MYOM2: variants seen among roughly 807,000 people sequenced by gnomAD.
MYOM2 encodes myomesin-2.
A neutral mutation model predicts 187.6 loss-of-function variants in MYOM2; 254 were observed. The ratio of observed to expected loss-of-function variants is 1.35; its 90% confidence interval spans 1.22 to 1.50. MYOM2 has a LOEUF of 1.50. Ranked by LOEUF, MYOM2 falls within the 40% of genes most tolerant of loss-of-function variation. MYOM2 has a pLI of 0.00. For missense variants in MYOM2, 2,796 were observed against 1,924.0 expected (o/e 1.45, Z -8.48); for synonymous variants, 981 against 753.8 (o/e 1.30, Z -4.94).
rs142058998 is a variant in MYOM2 at position 2,119,915 on chromosome 8, C to T, written c.3453+1963C>T. ...ATGCCAAAAACCAGGGCAGAGCAAGCGGCAGATCCATCAGTGCAGCCCGTT... is the reference window on the plus strand; with the variant it reads ...ATGCCAAAAACCAGGGCAGAGCAAGTGGCAGATCCATCAGTGCAGCCCGTT... On this transcript the variant is annotated intron_variant, in intron 28 of 36. Coordinates refer to ENST00000262113, the MANE Select transcript of MYOM2 (RefSeq NM_003970.4). Among the ~76,000 whole-genome samples the T allele has an allele frequency of 3.5e-3, 528 of 152,022 alleles. 1 individual carries two copies. Among genetic ancestry groups the T allele is most frequent in the Middle Eastern group, 6.8e-3 (2 of 294 alleles).
intron 32 of MYOM2, among the ~76,000 whole-genome samples, chr8:2,132,272 A>T (rs1004017340): frequency 6.6e-6 from 1 of 152,088 alleles, no homozygotes; most frequent in Non-Finnish European, 1.5e-5. Flanking sequence ...GAATCAATAG[A>T]GTGCTATGAG....
intron 20 of MYOM2, among the ~76,000 whole-genome samples, chr8:2,101,361 AAC>A (rs1375800850): frequency 5.3e-5 from 8 of 152,158 alleles, no homozygotes; most frequent in Non-Finnish European, 1.0e-4. Flanking sequence ...TCAAAAACAA[AAC>A]ACACACACAA....
At chr8:2,064,388 C>T (rs894345661) in intron 6 of MYOM2, among the ~76,000 whole-genome samples, 2 of 152,202 alleles carry the variant, frequency 1.3e-5, no homozygotes, top group Non-Finnish European at 2.9e-5. Flanking sequence ...CCGTGCCCAC[C>T]GTGGGGGTGA....
At chr8:2,049,705 T>C (rs1355673046) in intron 1 of MYOM2, among the ~76,000 whole-genome samples, 1 of 152,176 alleles carries the variant, frequency 6.6e-6, no homozygotes, top group Admixed American at 6.5e-5. Context: ...TTGCACCTTG[T>C]TTGGGAAATT....
intron 5 of MYOM2, among the ~76,000 whole-genome samples, 168 bp downstream of exon 5, chr8:2,057,948 A>G (rs1295292855): frequency 7.0e-6 from 1 of 143,008 alleles, no homozygotes; most frequent in Non-Finnish European, 1.5e-5. Context: ...TTTAACTCAT[A>G]TGCAAACATT....
At chr8:2,079,075 G>T in intron 12 of MYOM2, 142 bp downstream of exon 12, 1 of 731,650 alleles carries the variant, frequency 1.4e-6, no homozygotes, top group East Asian at 2.6e-5. Context: ...CTGTTACAAC[G>T]TTCTCTGACA....
intron 32 of MYOM2, 27 bp downstream of exon 32, chr8:2,129,259 C>T (rs1415252806): frequency 6.6e-7 from 1 of 1,526,254 alleles, no homozygotes; most frequent in Non-Finnish European, 9.1e-7. Context: ...CCGATGGAGG[C>T]CATGCCATAG....
At chr8:2,105,658 G>A (rs545911957) in intron 21 of MYOM2, among the ~76,000 whole-genome samples, 23 of 152,236 alleles carry the variant, frequency 1.5e-4, no homozygotes, top group South Asian at 1.5e-3. Flanking sequence ...AGGGAAGGAC[G>A]TGTGCAGAAA....
chr8:2,070,241 C>T (rs1034982460), intron 8 of MYOM2, among the ~76,000 whole-genome samples: 10 of 152,186 alleles, frequency 6.6e-5, no homozygotes, highest in South Asian at 6.2e-4. Flanking sequence ...AGGAAGGAAC[C>T]GTACATTCCG....
At chr8:2,107,682 C>T (rs1444023002) in intron 23 of MYOM2, among the ~76,000 whole-genome samples, 1 of 152,168 alleles carries the variant, frequency 6.6e-6, no homozygotes, top group African/African-American at 2.4e-5. Flanking sequence ...TCTCGCCTTT[C>T]TGGGGTCCTC....
chr8:2,121,897 C>G (rs557886811), intron 28 of MYOM2, among the ~76,000 whole-genome samples: 1 of 152,124 alleles, frequency 6.6e-6, no homozygotes, highest in African/African-American at 2.4e-5. Flanking sequence ...GTTTAGGTGC[C>G]CATATTTTAA....
At chr8:2,065,732 C>T (rs1374042271) in intron 6 of MYOM2, among the ~76,000 whole-genome samples, 1 of 152,158 alleles carries the variant, frequency 6.6e-6, no homozygotes, top group Non-Finnish European at 1.5e-5. Context: ...TTTACCTTGA[C>T]ATCTCAGAAT....
intron 7 of MYOM2, 38 bp downstream of exon 7, chr8:2,069,404 C>T (rs555937981): frequency 6.6e-5 from 106 of 1,613,850 alleles, no homozygotes; most frequent in Non-Finnish European, 8.8e-5. Flanking sequence ...CACCTCCCGC[C>T]TCCTTTTCTC....
chr8:2,133,443 C>G (rs1797945576), intron 32 of MYOM2, among the ~76,000 whole-genome samples: 1 of 152,154 alleles, frequency 6.6e-6, no homozygotes, highest in South Asian at 2.1e-4. Flanking sequence ...GAGGCGCCGG[C>G]TCTGTTCTTG....
rs1019521319 is a variant in MYOM2, at chr8:2,087,776, G to A, written c.1645-2232G>A. 7.9e-5 allele frequency among the ~76,000 whole-genome samples: 12 copies of A among 152,054 alleles called. 1 individual carries two copies. Among genetic ancestry groups the A allele is most frequent in the Non-Finnish European group, 1.3e-4 (9 of 68,000 alleles). On this transcript the variant is annotated intron_variant, in intron 14 of 36. Transcript: ENST00000262113. ...TGGGACCACAGGTGTGTGCCACCAC[G>A]CCCAGCTGATTTTTAAATTTTTTTT...
Position 2,096,391 on chromosome 8 carries a change from G to T in MYOM2, c.2270G>T (p.Trp757Leu). 1 of 1,614,218 alleles carries T rather than the reference G, an allele frequency of 6.2e-7. No individual in the cohort carries two copies. Among genetic ancestry groups the T allele is most frequent in the East Asian group, 2.2e-5 (1 of 44,886 alleles). Residue 757 changes from tryptophan to leucine, a missense_variant, in exon 18 of 37, where the codon TGG becomes TTG. Trp to Leu is a moderately conservative substitution (Grantham distance 61, BLOSUM62 -2). Coordinates refer to ENST00000262113, the MANE Select transcript of MYOM2 (RefSeq NM_003970.4). ...LDKREVHHKN[W>L]HEVNSSPSKP... ...AAGCGTGAAGTTCACCATAAAAACT[G>T]GCACGAGGTCAATTCCTCACCCAGC...
intron 8 of MYOM2, among the ~76,000 whole-genome samples, 156 bp from the exon 9 acceptor site, chr8:2,072,189 C>G (rs1342602273): frequency 1.3e-5 from 2 of 152,112 alleles, no homozygotes; most frequent in Admixed American, 1.3e-4. Flanking sequence ...CGAGGTCGCA[C>G]CACTGCACTC....
At chr8:2,080,490 G>A (rs543621371) in intron 13 of MYOM2, among the ~76,000 whole-genome samples, 12 of 152,276 alleles carry the variant, frequency 7.9e-5, no homozygotes, top group African/African-American at 2.9e-4. Flanking sequence ...CCCAAAAGAA[G>A]ACCGTTGAGA....
intron 17 of MYOM2, among the ~76,000 whole-genome samples, chr8:2,095,926 G>A (rs187058088): frequency 1.3e-5 from 2 of 152,318 alleles, no homozygotes; most frequent in East Asian, 1.9e-4. Context: ...TCAAGGGGCC[G>A]AGAAGACAGA....
Sources: gnomAD v4.1 joint callset for allele counts (sites outside exome capture counted in the v4.1 genomes callset) on GRCh38, gnomAD v4.1.1 for gene constraint, MANE v1.5 for transcripts, NCBI Gene and HGNC (gene_info 2026-07-23, HGNC 2026-07-21) for gene names.